MAPK4: variants seen among roughly 807,000 people sequenced by gnomAD.
MAPK4 encodes the protein mitogen-activated protein kinase 4.
A neutral mutation model predicts 47.7 loss-of-function variants in MAPK4; 22 were observed. That is an observed-to-expected ratio of 0.46 (90% CI 0.33 to 0.66). The LOEUF (loss-of-function observed/expected upper bound fraction) is 0.66, where lower values mean the gene tolerates loss of function less well. MAPK4 is among the 30% of genes least tolerant of loss of function. The pLI is 0.02. For missense variants in MAPK4, 736 were observed against 831.7 expected, an observed-to-expected ratio of 0.88 and a Z score of 1.42; for synonymous variants, 390 against 365.7, an observed-to-expected ratio of 1.07 and a Z score of -0.76.
At position 50,715,187 on chromosome 18, in the gene MAPK4, C is replaced by G; in HGVS notation, c.655C>G (p.Leu219Val). The G allele has an allele frequency of 6.2e-7, 1 of 1,614,168 alleles. No homozygotes were observed. The highest frequency in any genetic ancestry group is 8.5e-7 in the Non-Finnish European group (1 of 1,180,040). ...AIDMWAAGCI[L>V]AEMLTGRMLF... ...CGACATGTGGGCCGCCGGCTGCATC[C>G]TGGCTGAGATGCTTACGGGGAGAAT... Residue 219 changes from leucine to valine, a missense_variant, in exon 3 of 6, where the codon CTG becomes GTG. Leu to Val is a conservative substitution (Grantham distance 32, BLOSUM62 1). This residue lies in a region of MAPK4 where 327 missense variants were observed against 395.4 expected (regional missense o/e 0.83). Coordinates refer to ENST00000400384, the MANE Select transcript of MAPK4 (RefSeq NM_002747.4).
chr18:50,710,795 A>AAC (rs1910318742), intron 2 of MAPK4, among the ~76,000 whole-genome samples: 1 of 148,768 alleles, frequency 6.7e-6, no homozygotes, highest in African/African-American at 2.5e-5. Flanking sequence ...AAATAAATAA[A>AAC]TAAATAAATA....
At chr18:50,684,343 G>A (rs891002378) in intron 2 of MAPK4, among the ~76,000 whole-genome samples, 2 of 152,002 alleles carry the variant, frequency 1.3e-5, no homozygotes, top group African/African-American at 4.8e-5. Flanking sequence ...CCAGGAGTTC[G>A]AGACCAGCCG....
In MAPK4 at chr18:50,726,089, C is replaced by G. The variant is rs1285194218; in HGVS notation, c.981C>G (p.Pro327=). 1 of 1,614,172 alleles carries G rather than the reference C, an allele frequency of 6.2e-7. No homozygotes were observed. Among genetic ancestry groups the G allele is most frequent in the South Asian group, 1.1e-5 (1 of 91,076 alleles). Residue 327 remains proline (P), a synonymous_variant, in exon 5 of 6, where the codon CCC becomes CCG. Coordinates refer to ENST00000400384, the MANE Select transcript of MAPK4 (RefSeq NM_002747.4). ...AGGACGAGCCCACCTCACAACACCC[C>G]TTCCGCATTGAGGATGAGATCGACG... ...CPEDEPTSQH[P]FRIEDEIDDI... is the part of the protein sequence containing the mutation.
intron 5 of MAPK4, among the ~76,000 whole-genome samples, chr18:50,728,169 C>T (rs1179744484): frequency 2.6e-5 from 4 of 152,224 alleles, no homozygotes; most frequent in African/African-American, 9.6e-5. Flanking sequence ...GAGTAGCTGG[C>T]TGCAGGCTGA....
intron 1 of MAPK4, among the ~76,000 whole-genome samples, chr18:50,576,462 C>A (rs1222111158): frequency 6.6e-6 from 1 of 152,088 alleles, no homozygotes; most frequent in Non-Finnish European, 1.5e-5. Context: ...CACAAAGGAA[C>A]AACAGACACT....
At chr18:50,588,985 CT>C in intron 1 of MAPK4, among the ~76,000 whole-genome samples, 1 of 152,148 alleles carries the variant, frequency 6.6e-6, no homozygotes, top group Non-Finnish European at 1.5e-5. Context: ...GAAACTCAGA[CT>C]TTTTTACTAG....
Position 50,612,079 on chromosome 18 carries a change from T to G in MAPK4, c.-870-51010T>G, listed in dbSNP as rs145196731. On this transcript the variant is annotated intron_variant, in intron 1 of 5. Transcript: ENST00000400384. ...TAGAAGACTTCTTTAGGCTCCCTCCTAGGAAGCTCTCTTCACCCTCCCATT... is the reference window on the plus strand; with the variant it reads ...TAGAAGACTTCTTTAGGCTCCCTCCGAGGAAGCTCTCTTCACCCTCCCATT... Among the ~76,000 whole-genome samples, 634 of 152,250 alleles carry G rather than the reference T, an allele frequency of 4.2e-3. 6 individuals carry two copies. Among genetic ancestry groups the G allele is most frequent in the African/African-American group, 0.014 (584 of 41,568 alleles).
intron 1 of MAPK4, among the ~76,000 whole-genome samples, chr18:50,584,804 C>T (rs2042375220): frequency 6.6e-6 from 1 of 152,342 alleles, no homozygotes; most frequent in African/African-American, 2.4e-5. Flanking sequence ...AATTGGATGA[C>T]AATGACTAGC....
chr18:50,585,409 G>A (rs2042379535), intron 1 of MAPK4, among the ~76,000 whole-genome samples: 1 of 152,062 alleles, frequency 6.6e-6, no homozygotes. Flanking sequence ...GTGCCAGGTG[G>A]GGCCTCTACC....
chr18:50,655,938 G>T, intron 1 of MAPK4, among the ~76,000 whole-genome samples: 1 of 152,006 alleles, frequency 6.6e-6, no homozygotes, highest in East Asian at 1.9e-4. Context: ...TTTATTTATT[G>T]AATCCCTCTC....
At chr18:50,644,749 T>A (rs1402402492) in intron 1 of MAPK4, among the ~76,000 whole-genome samples, 5 of 152,096 alleles carry the variant, frequency 3.3e-5, no homozygotes, top group Non-Finnish European at 7.4e-5. Context: ...GCTCAAATCC[T>A]CAATGTGAGT....
At chr18:50,586,794 A>G (rs1032659482) in intron 1 of MAPK4, among the ~76,000 whole-genome samples, 3 of 152,168 alleles carry the variant, frequency 2.0e-5, no homozygotes, top group Non-Finnish European at 2.9e-5. Context: ...TTCTGAAAAC[A>G]GTCACTCCAG....
chr18:50,581,415 G>A (rs1342589985), intron 1 of MAPK4, among the ~76,000 whole-genome samples: 4 of 152,112 alleles, frequency 2.6e-5, no homozygotes, highest in Non-Finnish European at 5.9e-5. Context: ...CTTATCACAC[G>A]GCAGCTGCCT....
At chr18:50,688,219 G>T (rs958138688) in intron 2 of MAPK4, among the ~76,000 whole-genome samples, 3 of 152,194 alleles carry the variant, frequency 2.0e-5, no homozygotes, top group Non-Finnish European at 4.4e-5. Context: ...ACGAGGCTGG[G>T]CTGGGGTGAT....
At chr18:50,672,066 G>C (rs899255205) in intron 2 of MAPK4, among the ~76,000 whole-genome samples, 40 of 152,228 alleles carry the variant, frequency 2.6e-4, no homozygotes, top group African/African-American at 9.4e-4. Flanking sequence ...CTAAAATGGG[G>C]TCTCTGCCGG....
At chr18:50,687,475 T>C (rs114211072) in intron 2 of MAPK4, among the ~76,000 whole-genome samples, 1,536 of 152,350 alleles carry the variant, frequency 0.01, 28 homozygotes, top group African/African-American at 0.035. Context: ...AATTATGTTA[T>C]CCTAAAGTAG....
At position 50,642,864 on chromosome 18, in the gene MAPK4, C is replaced by A. The variant is rs536616873; in HGVS notation, c.-870-20225C>A. Among the ~76,000 whole-genome samples the A allele has an allele frequency of 1.9e-4, 29 of 152,302 alleles. No homozygotes were observed. The East Asian group carries it at 3.3e-3, about 17-fold the overall frequency. On this transcript the variant is annotated intron_variant, in intron 1 of 5. Transcript: ENST00000400384. ...AGGTAATCCGCCCACCTTGGCCTCC[C>A]AAAACGCTGGGATTATAGGCATAAG... is the stretch of plus-strand genomic sequence containing the variant.
intron 1 of MAPK4, among the ~76,000 whole-genome samples, chr18:50,583,730 C>T (rs552963252): frequency 2.6e-5 from 4 of 152,304 alleles, no homozygotes; most frequent in East Asian, 1.9e-4. Flanking sequence ...GATTGTAGGT[C>T]GGGTTTCACT....
Position 50,725,967 on chromosome 18 carries a change from G to C in MAPK4, c.859G>C (p.Asp287His). Residue 287 changes from aspartate (D) to histidine (H), a missense_variant, in exon 5 of 6, where the codon GAC (aspartate) becomes CAC (histidine). Physicochemically the swap from Asp to His is moderately conservative, Grantham distance 81. Around this residue, in one of 3 missense-constraint regions of MAPK4, gnomAD observed 327 missense variants for 395.4 expected, o/e 0.83. Transcript: ENST00000400384. ...LLPEVNSEAI[D>H]FLEKILTFNP... ...TCCGGCTTTGCTCCCTGCAGCCATC[G>C]ACTTTCTGGAGAAGATCCTGACCTT... is the stretch of plus-strand genomic sequence containing the variant. The C allele has an allele frequency of 1.2e-6, 2 of 1,614,074 alleles. No individual in the cohort carries two copies. The highest frequency in any genetic ancestry group is 1.7e-6 in the Non-Finnish European group (2 of 1,179,996).
Sources: allele counts gnomAD v4.1 joint callset (sites outside exome capture counted in the v4.1 genomes callset), GRCh38; gene constraint gnomAD v4.1.1; regional missense constraint gnomAD v4.1.1; transcripts MANE v1.5; gene names NCBI Gene and HGNC (gene_info 2026-07-23, HGNC 2026-07-21).